The following PPTC7 variants were observed in gnomAD, a reference collection of about 807,000 sequenced individuals.
The protein encoded by PPTC7 is protein phosphatase PTC7 homolog.
A neutral mutation model predicts 30.8 loss-of-function variants in PPTC7; 6 were observed. The ratio of observed to expected loss-of-function variants is 0.19; its 90% CI spans 0.11 to 0.38. PPTC7 has a LOEUF of 0.38. PPTC7 is among the 10% of genes least tolerant of loss of function. PPTC7 has a pLI of 1.00. For synonymous variants in PPTC7, 163 were observed against 168.1 expected, an observed-to-expected ratio of 0.97 and a Z score of 0.23; for missense variants, 218 against 404.8, an observed-to-expected ratio of 0.54 and a Z score of 3.96.
Position 110,535,726 on chromosome 12 carries a change from G to A in PPTC7, c.*1311C>T, listed in dbSNP as rs1220944353. On this transcript the variant is annotated 3_prime_UTR_variant, in exon 6 of 6. Transcript: ENST00000354300. The stretch of plus-strand genomic sequence containing the variant: ...TTTTTCTACCACCAAGTTAATGAAG[G>A]AAAAAAACTGACCCAAAAATATATA... The A allele has an allele frequency of 6.6e-6, 1 of 152,360 alleles. No individual in the cohort carries two copies. Among genetic ancestry groups the A allele is most frequent in the African/African-American group, 2.4e-5 (1 of 41,340 alleles). 9.4% of individuals were successfully genotyped at this position (152,360 alleles called of 1,614,324 possible). A position where few individuals can be genotyped will look rare whatever the true frequency, so the allele number is the denominator to read the frequency against.
In PPTC7 at chr12:110,546,021, G is replaced by A. The variant is rs756820034; in HGVS notation, c.461C>T (p.Ala154Val). The stretch of plus-strand genomic sequence containing the variant: ...CAGGAAGCCTGAATCGCCCAGGTTT[G>A]CTGTGTGTAAGCGGTGGCTGGTTCT... Reference protein sequence around the residue: ...LDRTSHRLHTANLGDSGFLVV... With the variant: ...LDRTSHRLHTVNLGDSGFLVV... Residue 154 changes from alanine to valine, a missense_variant, in exon 3 of 6, where the codon GCA becomes GTA. Transcript: ENST00000354300. 5 of 1,614,212 alleles carry A rather than the reference G, an allele frequency of 3.1e-6. No homozygotes were observed. Among genetic ancestry groups the A allele is most frequent in the Non-Finnish European group, 4.2e-6 (5 of 1,180,042 alleles).
chr12:110,551,495 C>T (rs559087159), intron 2 of PPTC7, among the ~76,000 whole-genome samples: 9 of 152,150 alleles, frequency 5.9e-5, no homozygotes, highest in Admixed American at 5.2e-4. Flanking sequence ...TACAGGCATG[C>T]GCCACCATGC....
chr12:110,572,425 A>G (rs1246820933), intron 1 of PPTC7, among the ~76,000 whole-genome samples: 4 of 152,196 alleles, frequency 2.6e-5, no homozygotes, highest in Non-Finnish European at 5.9e-5. Flanking sequence ...TGGGTGACAG[A>G]GTGAGACTCC....
intron 2 of PPTC7, among the ~76,000 whole-genome samples, chr12:110,547,608 C>T (rs1182618420): frequency 1.3e-5 from 2 of 152,014 alleles, no homozygotes; most frequent in African/African-American, 4.8e-5. Context: ...AAGAACTGTA[C>T]ACCAAAAAGA....
In PPTC7 at chr12:110,546,086, C is replaced by T. The variant is rs1565918205; in HGVS notation, c.404-8G>A. On this transcript the variant is annotated splice_polypyrimidine_tract_variant and splice_region_variant and intron_variant, in intron 2 of 5. Coordinates refer to ENST00000354300, the MANE Select transcript of PPTC7 (RefSeq NM_139283.2). ...TGCAGGCGGTGCTGCTACCTAGAAA[C>T]AAAAATCATCTCCATTTATTTTTTC... 1.9e-6 allele frequency: 3 copies of T among 1,611,398 alleles called. No homozygotes were observed. The highest frequency in any genetic ancestry group is 2.5e-6 in the Non-Finnish European group (3 of 1,178,308).
At chr12:110,545,356 G>A (rs969173711) in intron 3 of PPTC7, among the ~76,000 whole-genome samples, 1 of 152,198 alleles carries the variant, frequency 6.6e-6, no homozygotes, top group Admixed American at 6.5e-5. Context: ...GCCTCCCAAA[G>A]TCCTGGGATT....
intron 1 of PPTC7, among the ~76,000 whole-genome samples, chr12:110,573,261 G>A (rs906279122): frequency 6.6e-6 from 1 of 152,190 alleles, no homozygotes; most frequent in Non-Finnish European, 1.5e-5. Context: ...ATTACCCTGA[G>A]GAAATATTCA....
intron 1 of PPTC7, among the ~76,000 whole-genome samples, chr12:110,560,676 G>A (rs1014992818): frequency 2.6e-5 from 4 of 152,132 alleles, no homozygotes; most frequent in Non-Finnish European, 4.4e-5. Context: ...CTAGAAGAAC[G>A]CGATGCCTAG....
At chr12:110,580,742 T>C (rs2064629802) in intron 1 of PPTC7, among the ~76,000 whole-genome samples, 2 of 151,802 alleles carry the variant, frequency 1.3e-5, no homozygotes, top group South Asian at 2.1e-4. Flanking sequence ...AAAAGTCGCA[T>C]ACAGATTTTT....
chr12:110,581,674 A>G (rs879124409), intron 1 of PPTC7, among the ~76,000 whole-genome samples: 1 of 152,266 alleles, frequency 6.6e-6, no homozygotes, highest in Admixed American at 6.5e-5. Flanking sequence ...GTTCACAAAC[A>G]CTACATGTAG....
rs193030873 is a variant in PPTC7, at chr12:110,563,544, G to A, written c.224-11576C>T. Among the ~76,000 whole-genome samples the A allele has an allele frequency of 1.4e-4, 21 of 152,268 alleles. No individual in the cohort carries two copies. In the East Asian group the frequency reaches 4.1e-3, roughly 29 times the overall value. On this transcript the variant is annotated intron_variant, in intron 1 of 5. Coordinates refer to ENST00000354300, the MANE Select transcript of PPTC7 (RefSeq NM_139283.2). Reference sequence around the variant, plus strand: ...GCAGTAGAATCCCTTGAACCTGGGAGGCAGAGGTTGTGGTGAGCCGAGACT... The same window carrying A: ...GCAGTAGAATCCCTTGAACCTGGGAAGCAGAGGTTGTGGTGAGCCGAGACT...
At chr12:110,543,487 C>A (rs1011336673) in intron 3 of PPTC7, among the ~76,000 whole-genome samples, 2 of 151,606 alleles carry the variant, frequency 1.3e-5, no homozygotes, top group Non-Finnish European at 2.9e-5. Context: ...CAGGTCAATT[C>A]TTTCTGTGGA....
chr12:110,565,907 G>C (rs1258773124), intron 1 of PPTC7, among the ~76,000 whole-genome samples: 3 of 152,108 alleles, frequency 2.0e-5, no homozygotes, highest in Non-Finnish European at 2.9e-5. Flanking sequence ...GGAATCAAAA[G>C]GATTAATGAA....
At chr12:110,547,390 A>G (rs2064316122) in intron 2 of PPTC7, among the ~76,000 whole-genome samples, 1 of 152,228 alleles carries the variant, frequency 6.6e-6, no homozygotes, top group Non-Finnish European at 1.5e-5. Flanking sequence ...AAAAACAGGG[A>G]TAACAGTAAG....
chr12:110,559,594 T>C (rs1242581572), intron 1 of PPTC7, among the ~76,000 whole-genome samples: 4 of 151,620 alleles, frequency 2.6e-5, no homozygotes, highest in South Asian at 2.1e-4. Flanking sequence ...GGTGTGGTGG[T>C]GCGTGCCTGT....
chr12:110,572,506 C>T (rs1355882953), intron 1 of PPTC7, among the ~76,000 whole-genome samples: 1 of 152,084 alleles, frequency 6.6e-6, no homozygotes, highest in African/African-American at 2.4e-5. Context: ...AAATAAATTC[C>T]CTTTCTCTTC....
intron 1 of PPTC7, among the ~76,000 whole-genome samples, chr12:110,572,409 C>T (rs866535012): frequency 5.9e-5 from 9 of 152,226 alleles, no homozygotes; most frequent in South Asian, 4.2e-4. Context: ...CCATTGCACT[C>T]CTGCCTGGGT....
At chr12:110,552,771 G>C (rs1394080888) in intron 1 of PPTC7, among the ~76,000 whole-genome samples, 1 of 152,170 alleles carries the variant, frequency 6.6e-6, no homozygotes. Context: ...GGCTGAGGGA[G>C]GAGATTGGTG....
chr12:110,561,774 T>C (rs778450548), intron 1 of PPTC7, among the ~76,000 whole-genome samples: 87 of 151,878 alleles, frequency 5.7e-4, no homozygotes, highest in Non-Finnish European at 1.0e-3. Flanking sequence ...CTGGGCAACA[T>C]GGTAAAACCT....
Sources: allele counts gnomAD v4.1 joint callset (sites outside exome capture counted in the v4.1 genomes callset), GRCh38; gene constraint gnomAD v4.1.1; transcripts MANE v1.5; gene names NCBI Gene and HGNC (gene_info 2026-07-23, HGNC 2026-07-21).